DTNA: variants seen among roughly 807,000 people sequenced by gnomAD.
DTNA encodes the protein dystrophin-related protein 3.
DTNA carries 43 observed loss-of-function variants against 100.7 expected under a neutral mutation model. That is an observed-to-expected ratio of 0.43 (90% confidence interval 0.33 to 0.55). The LOEUF is 0.55. DTNA is among the 20% of genes least tolerant of loss of function. DTNA has a pLI of 0.04. For missense variants in DTNA, 798 were observed against 953.9 expected (o/e 0.84, Z 2.15); for synonymous variants, 349 against 347.9 (o/e 1.00, Z -0.04).
At chr18:34,739,970 A>T (rs145769274) in intron 1 of DTNA, among the ~76,000 whole-genome samples, 1 of 152,228 alleles carries the variant, frequency 6.6e-6, no homozygotes, top group African/African-American at 2.4e-5. Context: ...TCCTGACCTT[A>T]TATAAGAGAT....
intron 1 of DTNA, among the ~76,000 whole-genome samples, chr18:34,665,781 C>A (rs1159839487): frequency 1.3e-5 from 2 of 152,282 alleles, no homozygotes; most frequent in East Asian, 3.9e-4. Flanking sequence ...CATAGTATTC[C>A]ATGGTGTATA....
chr18:34,671,140 C>A (rs891834833), intron 1 of DTNA, among the ~76,000 whole-genome samples: 1 of 152,196 alleles, frequency 6.6e-6, no homozygotes, highest in Non-Finnish European at 1.5e-5. Flanking sequence ...ACCCCTCCCC[C>A]AGTCTCGCTG....
At chr18:34,522,877 G>A (rs921162503) in intron 1 of DTNA, among the ~76,000 whole-genome samples, 1 of 152,214 alleles carries the variant, frequency 6.6e-6, no homozygotes, top group Non-Finnish European at 1.5e-5. Context: ...AGCAGAGCAC[G>A]CATGTCTGTT....
At chr18:34,621,267 G>A (rs2056453270) in intron 1 of DTNA, among the ~76,000 whole-genome samples, 1 of 149,626 alleles carries the variant, frequency 6.7e-6, no homozygotes. Context: ...GATTGTGTGT[G>A]TATATATATA....
At chr18:34,633,889 G>C (rs930378699) in intron 1 of DTNA, among the ~76,000 whole-genome samples, 5 of 152,166 alleles carry the variant, frequency 3.3e-5, no homozygotes, top group Admixed American at 3.3e-4. Flanking sequence ...ATTGGTTTCT[G>C]TGGGCTTAAG....
At chr18:34,771,910 A>G (rs1439331444) in intron 3 of DTNA, among the ~76,000 whole-genome samples, 4 of 152,080 alleles carry the variant, frequency 2.6e-5, no homozygotes, top group African/African-American at 9.7e-5. Context: ...TTCCTTGGTC[A>G]GCATTGACGT....
intron 1 of DTNA, among the ~76,000 whole-genome samples, chr18:34,619,473 G>A (rs1019766403): frequency 2.0e-5 from 3 of 152,106 alleles, no homozygotes; most frequent in Non-Finnish European, 2.9e-5. Context: ...AATGTTCTAA[G>A]GAAATCACAG....
chr18:34,733,563 AT>A (rs2088827170), intron 1 of DTNA, among the ~76,000 whole-genome samples: 1 of 152,162 alleles, frequency 6.6e-6, no homozygotes, highest in Non-Finnish European at 1.5e-5. Context: ...CTGTATTTAA[AT>A]TTTATAATTG....
At chr18:34,886,060 C>G (rs1225740912) in intron 22 of DTNA, among the ~76,000 whole-genome samples, 1 of 152,204 alleles carries the variant, frequency 6.6e-6, no homozygotes, top group Admixed American at 6.5e-5. Flanking sequence ...CTTTCCCAAT[C>G]ATGGAATCCC....
chr18:34,819,230 TAAA>T (rs1243965892), intron 8 of DTNA, among the ~76,000 whole-genome samples: 2 of 152,230 alleles, frequency 1.3e-5, no homozygotes, highest in African/African-American at 4.8e-5. Context: ...AGTCTTTACT[TAAA>T]GAAGTCTTCA....
At chr18:34,558,183 C>G (rs2046295342) in intron 1 of DTNA, 1 of 153,144 alleles carries the variant, frequency 6.5e-6, no homozygotes, top group Non-Finnish European at 1.5e-5. Context: ...ACTCCCTGAC[C>G]CCTTGCGCTT....
chr18:34,668,208 T>G (rs2076221445), intron 1 of DTNA, among the ~76,000 whole-genome samples: 4 of 152,248 alleles, frequency 2.6e-5, no homozygotes, highest in Admixed American at 2.6e-4. Context: ...CTAGTTTATT[T>G]GCATAGAGAT....
At chr18:34,510,622 C>CTTTTTTTTTTTTTTTTTTTTTT (rs1027138316) in intron 1 of DTNA, among the ~76,000 whole-genome samples, 2 of 92,842 alleles carry the variant, frequency 2.2e-5, no homozygotes, top group African/African-American at 4.0e-5. Flanking sequence ...ACTGGCCATT[C>CTTTTTTTTTTTTTTTTTTTTTT]TTTTTTTTTT....
At chr18:34,719,104 G>T (rs533919376) in intron 1 of DTNA, among the ~76,000 whole-genome samples, 1 of 152,068 alleles carries the variant, frequency 6.6e-6, no homozygotes, top group African/African-American at 2.4e-5. Context: ...AAGGTGGGTG[G>T]ATCACCTGAG....
intron 1 of DTNA, among the ~76,000 whole-genome samples, chr18:34,641,812 GAGAT>G (rs1178530275): frequency 6.6e-6 from 1 of 152,164 alleles, no homozygotes; most frequent in Non-Finnish European, 1.5e-5. Flanking sequence ...GTGGTGGAGA[GAGAT>G]AGAGAGCAAG....
chr18:34,558,976 C>A (rs1401512874), intron 1 of DTNA, among the ~76,000 whole-genome samples: 7 of 152,156 alleles, frequency 4.6e-5, no homozygotes, highest in Admixed American at 4.6e-4. Flanking sequence ...TTACACATGG[C>A]CACTCTTAAT....
chr18:34,625,850 G>A (rs540255436), intron 1 of DTNA, among the ~76,000 whole-genome samples: 52 of 152,246 alleles, frequency 3.4e-4, no homozygotes, highest in African/African-American at 1.2e-3. Flanking sequence ...AACAATGAAT[G>A]AAGGCAGAAT....
intron 7 of DTNA, among the ~76,000 whole-genome samples, chr18:34,816,330 C>A (rs149228152): frequency 1.3e-5 from 2 of 151,972 alleles, no homozygotes; most frequent in East Asian, 3.8e-4. Flanking sequence ...GTTTTAGATC[C>A]GAATTTCTCA....
At chr18:34,777,665 G>A (rs2094126161) in intron 3 of DTNA, among the ~76,000 whole-genome samples, 2 of 152,324 alleles carry the variant, frequency 1.3e-5, no homozygotes, top group South Asian at 4.1e-4. Context: ...TCACAAGGCA[G>A]CAGGAGAGAG....
Sources: gnomAD v4.1 joint callset for allele counts (sites outside exome capture counted in the v4.1 genomes callset) on GRCh38, gnomAD v4.1.1 for gene constraint, MANE v1.5 for transcripts, NCBI Gene and HGNC (gene_info 2026-07-23, HGNC 2026-07-21) for gene names.